The following MYO5B variants were observed in gnomAD, a reference collection of about 807,000 sequenced individuals.
The protein encoded by MYO5B is unconventional myosin-Vb.
A neutral mutation model predicts 229.3 loss-of-function variants in MYO5B; 143 were observed. That is an observed-to-expected ratio of 0.62 (90% confidence interval 0.54 to 0.72). The LOEUF (loss-of-function observed/expected upper bound fraction) is 0.72, where lower values mean the gene tolerates loss of function less well. MYO5B is among the 30% of genes least tolerant of loss of function. The probability of loss-of-function intolerance (pLI) is 0.00; values close to 1 mark genes in which losing one functional copy is unlikely to be tolerated. For synonymous variants in MYO5B, 918 were observed against 885.2 expected (o/e 1.04, Z -0.66); for missense variants, 2,321 against 2,331.0 (o/e 1.00, Z 0.09).
intron 30 of MYO5B, among the ~76,000 whole-genome samples, chr18:49,854,043 CCTT>C (rs1339337053): frequency 6.6e-6 from 1 of 152,204 alleles, no homozygotes; most frequent in Non-Finnish European, 1.5e-5. Flanking sequence ...ACAAGAACCT[CCTT>C]CTTAAGATAA....
At chr18:50,002,465 C>T (rs1236356895) in intron 4 of MYO5B, among the ~76,000 whole-genome samples, 5 of 152,120 alleles carry the variant, frequency 3.3e-5, no homozygotes, top group African/African-American at 9.7e-5. Context: ...ACATGGATGT[C>T]CCTAGCAAGC....
chr18:49,922,934 G>A (rs2025090432), intron 17 of MYO5B, among the ~76,000 whole-genome samples: 1 of 152,190 alleles, frequency 6.6e-6, no homozygotes, highest in Admixed American at 6.5e-5. Flanking sequence ...CAGCAAGGTG[G>A]AATGAACAGT....
In MYO5B at chr18:49,837,752, G is replaced by A; in HGVS notation, c.4903C>T (p.Pro1635Ser). The A allele has an allele frequency of 6.2e-7, 1 of 1,614,130 alleles. No homozygotes were observed. The highest frequency in any genetic ancestry group is 8.5e-7 in the Non-Finnish European group (1 of 1,180,014). ...GAGGAGCGCTTCCGGTAGCCGGTGG[G>A]CTTCACACCAGATAGACCCTGAATG... The part of the protein sequence containing the change: ...ESIQGLSGVK[P>S]TGYRKRSSSM... The change falls in exon 37 of 40, where the codon CCC (proline) becomes TCC (serine). Residue 1635 changes from proline to serine, a missense_variant. Physicochemically the swap from Pro to Ser is moderately conservative, Grantham distance 74. Coordinates refer to ENST00000285039, the MANE Select transcript of MYO5B (RefSeq NM_001080467.3).
At chr18:50,040,591 T>G (rs943426035) in intron 2 of MYO5B, among the ~76,000 whole-genome samples, 2 of 152,186 alleles carry the variant, frequency 1.3e-5, no homozygotes, top group Non-Finnish European at 2.9e-5. Context: ...TACTGAGTCT[T>G]TAATTTCAGT....
Position 49,833,552 on chromosome 18 carries a change from A to G in MYO5B, c.5394+1792T>C, listed in dbSNP as rs17799960. On this transcript the variant is annotated intron_variant, in intron 39 of 39. Coordinates refer to ENST00000285039, the MANE Select transcript of MYO5B (RefSeq NM_001080467.3). ...AGAATAGTTGGGCTTAACCTCCATT[A>G]TATTTTCCCTTTGTCCTTGATCCAT... 8.0e-4 allele frequency among the ~76,000 whole-genome samples: 122 copies of G among 152,354 alleles called. 1 individual carries two copies. The East Asian group carries it at 0.011, about 14-fold the overall frequency.
intron 27 of MYO5B, among the ~76,000 whole-genome samples, chr18:49,869,185 C>G (rs1442995068): frequency 1.3e-5 from 2 of 152,200 alleles, no homozygotes; most frequent in Non-Finnish European, 2.9e-5. Flanking sequence ...TTGCACACTT[C>G]AGAGCATTCA....
At chr18:50,081,975 T>A (rs773243006) in intron 1 of MYO5B, among the ~76,000 whole-genome samples, 1 of 152,232 alleles carries the variant, frequency 6.6e-6, no homozygotes, top group Non-Finnish European at 1.5e-5. Flanking sequence ...TTTAACAAAA[T>A]TCTTTTCTAA....
intron 2 of MYO5B, among the ~76,000 whole-genome samples, chr18:50,048,386 A>T (rs567252437): frequency 6.6e-6 from 1 of 152,224 alleles, no homozygotes; most frequent in African/African-American, 2.4e-5. Flanking sequence ...CAGTGGCTTA[A>T]TACTGCAAAG....
chr18:49,899,839 C>G (rs886893043), intron 21 of MYO5B, among the ~76,000 whole-genome samples: 13 of 152,252 alleles, frequency 8.5e-5, no homozygotes, highest in Non-Finnish European at 1.6e-4. Context: ...ACCCTCTACA[C>G]ACAGGGCATC....
chr18:49,846,554 C>T (rs895449494), intron 33 of MYO5B, among the ~76,000 whole-genome samples: 2 of 152,168 alleles, frequency 1.3e-5, no homozygotes, highest in African/African-American at 4.8e-5. Context: ...CCAGAGACCA[C>T]ACCCACATGT....
chr18:50,151,790 G>A (rs1599060475), intron 1 of MYO5B, among the ~76,000 whole-genome samples: 1 of 152,096 alleles, frequency 6.6e-6, no homozygotes, highest in African/African-American at 2.4e-5. Context: ...TTCAAAGGAT[G>A]TGAGTGAGGA....
At chr18:50,099,733 A>G (rs953295960) in intron 1 of MYO5B, among the ~76,000 whole-genome samples, 4 of 152,214 alleles carry the variant, frequency 2.6e-5, no homozygotes, top group Admixed American at 1.3e-4. Context: ...CCATCTTTAC[A>G]TGAATTTGCA....
chr18:50,011,414 A>G (rs767520087), intron 4 of MYO5B, among the ~76,000 whole-genome samples: 2 of 152,048 alleles, frequency 1.3e-5, no homozygotes, highest in Non-Finnish European at 2.9e-5. Context: ...CCACACTGGT[A>G]TTTCCCCAAC....
chr18:50,156,468 C>T (rs991981418), intron 1 of MYO5B, among the ~76,000 whole-genome samples: 9 of 152,218 alleles, frequency 5.9e-5, no homozygotes, highest in African/African-American at 2.2e-4. Flanking sequence ...CCCCCTTTGG[C>T]TCAGCACTTC....
intron 1 of MYO5B, among the ~76,000 whole-genome samples, chr18:50,179,439 G>A (rs911450550): frequency 1.4e-4 from 21 of 152,198 alleles, no homozygotes; most frequent in Admixed American, 1.2e-3. Context: ...TACCTGAACC[G>A]GGTATAGGAA....
chr18:50,123,805 A>C (rs1047925291), intron 1 of MYO5B, among the ~76,000 whole-genome samples: 1 of 152,194 alleles, frequency 6.6e-6, no homozygotes, highest in African/African-American at 2.4e-5. Flanking sequence ...TCAAATACCT[A>C]CTGGAAGCCT....
intron 4 of MYO5B, among the ~76,000 whole-genome samples, chr18:50,016,736 T>C (rs1436157769): frequency 1.3e-5 from 2 of 152,046 alleles, no homozygotes; most frequent in Admixed American, 1.3e-4. Context: ...TGTGCAACCA[T>C]CACAATAGAA....
chr18:50,141,381 C>A (rs920550782), intron 1 of MYO5B, among the ~76,000 whole-genome samples: 1 of 152,222 alleles, frequency 6.6e-6, no homozygotes, highest in Non-Finnish European at 1.5e-5. Context: ...CCCTGAGCTG[C>A]TGCTTTCAGC....
chr18:50,129,824 C>T (rs2032225679), intron 1 of MYO5B, among the ~76,000 whole-genome samples: 2 of 152,162 alleles, frequency 1.3e-5, no homozygotes, highest in Non-Finnish European at 2.9e-5. Flanking sequence ...AGTACAGGAG[C>T]CTCCGCCAAC....
Sources: allele counts gnomAD v4.1 joint callset (sites outside exome capture counted in the v4.1 genomes callset), GRCh38; gene constraint gnomAD v4.1.1; transcripts MANE v1.5; gene names NCBI Gene and HGNC (gene_info 2026-07-23, HGNC 2026-07-21).